ARAP1: variants seen among roughly 807,000 people sequenced by gnomAD.
The protein encoded by ARAP1 is arf-GAP with Rho-GAP domain, ANK repeat and PH domain-containing protein 1.
A neutral mutation model predicts 172.2 loss-of-function variants in ARAP1; 76 were observed. The ratio of observed to expected loss-of-function variants is 0.44; its 90% CI spans 0.37 to 0.53. The LOEUF (loss-of-function observed/expected upper bound fraction) is 0.53. Ranked by LOEUF, ARAP1 falls within the 20% of genes least tolerant of loss-of-function variation. The pLI, the probability that ARAP1 is intolerant of heterozygous loss-of-function variation, is 0.00. For missense variants in ARAP1, 1,686 were observed against 1,977.5 expected, an observed-to-expected ratio of 0.85 and a Z score of 2.80; for synonymous variants, 804 against 803.3, an observed-to-expected ratio of 1.00 and a Z score of -0.01.
chr11:72,737,760 G>A (rs1347247001), intron 1 of ARAP1, among the ~76,000 whole-genome samples: 1 of 152,038 alleles, frequency 6.6e-6, no homozygotes, highest in African/African-American at 2.4e-5. Context: ...GAGTAGCTGG[G>A]ACTACAGGGG....
intron 2 of ARAP1, among the ~76,000 whole-genome samples, chr11:72,730,882 G>A (rs1379898567): frequency 6.6e-6 from 1 of 152,200 alleles, no homozygotes; most frequent in African/African-American, 2.4e-5. Flanking sequence ...ACTAAATTAT[G>A]TTGTAGTTGT....
rs542167924 is a variant in ARAP1 at position 72,699,916 on chromosome 11, A to C, written c.2303-364T>G. 6.9e-6 allele frequency: 2 copies of C among 291,568 alleles called. No individual in the cohort carries two copies. The highest frequency in any genetic ancestry group is 8.3e-5 in the East Asian group (1 of 12,052). 18.1% of individuals were successfully genotyped at this position (291,568 alleles called of 1,614,324 possible). A position where few individuals can be genotyped will look rare whatever the true frequency, so the allele number is the denominator to read the frequency against. On this transcript the variant is annotated intron_variant, in intron 16 of 34. Coordinates refer to ENST00000393609, the MANE Select transcript of ARAP1 (RefSeq NM_001040118.3). This position sits in a 1 kb window ranked among gnomAD's most constrained non-coding sequence, Gnocchi z 4.2. Reference sequence around the variant, plus strand: ...CCGTCTCTCCAGCTGCCTCTCTGTCACTCCTGGACACACACATCCCTACCC... The same window carrying C: ...CCGTCTCTCCAGCTGCCTCTCTGTCCCTCCTGGACACACACATCCCTACCC...
intron 1 of ARAP1, among the ~76,000 whole-genome samples, chr11:72,747,473 A>T (rs920585311): frequency 1.3e-5 from 2 of 152,084 alleles, no homozygotes; most frequent in Non-Finnish European, 2.9e-5. Flanking sequence ...CAGGGAGAAA[A>T]GACTTGGACC....
At chr11:72,697,539 C>G in intron 20 of ARAP1, 53 bp from the exon 21 acceptor site, 1 of 1,613,190 alleles carries the variant, frequency 6.2e-7, no homozygotes, top group Non-Finnish European at 8.5e-7. Flanking sequence ...CCACCCTGTC[C>G]CCAGGCCCAT....
At chr11:72,687,219 G>C (rs535072479) in intron 33 of ARAP1, 50 of 612,774 alleles carry the variant, frequency 8.2e-5, no homozygotes, top group Admixed American at 5.6e-4. Context: ...CCCAAGGGCA[G>C]GGTCTGTGTC....
At position 72,693,472 on chromosome 11, in the gene ARAP1, TG is replaced by T; in HGVS notation, c.3809-3del. ...GCTTGGTGTCACCGACACGGCTGGC[TG>T]GGGGGTGGGACTGGAGTGGGCACAG... is the stretch of plus-strand genomic sequence containing the variant. On this transcript the variant is annotated splice_region_variant and splice_polypyrimidine_tract_variant and intron_variant, in intron 28 of 34. Coordinates refer to ENST00000393609, the MANE Select transcript of ARAP1 (RefSeq NM_001040118.3). This position sits in a 1 kb window ranked among gnomAD's most constrained non-coding sequence, Gnocchi z 4.6. 1.2e-6 allele frequency: 2 copies of T among 1,612,142 alleles called. No homozygotes were observed. Among genetic ancestry groups the T allele is most frequent in the Non-Finnish European group, 1.7e-6 (2 of 1,178,786 alleles).
At chr11:72,703,166 G>A (rs1856575760) in intron 14 of ARAP1, 87 bp from the exon 15 acceptor site, 49 of 1,340,374 alleles carry the variant, frequency 3.7e-5, no homozygotes, top group Non-Finnish European at 4.6e-5. Context: ...GAAAGAAAAG[G>A]AAGGAGTCAC....
chr11:72,697,961 G>A lies in ARAP1; in HGVS notation c.2687C>T (p.Pro896Leu), dbSNP rs770364410. 1.4e-5 allele frequency: 23 copies of A among 1,611,884 alleles called. No individual in the cohort carries two copies. Among genetic ancestry groups the A allele is most frequent in the East Asian group, 4.5e-5 (2 of 44,818 alleles). The change falls in exon 19 of 35, where the codon CCG becomes CTG. Residue 896 changes from proline to leucine, a missense_variant. Around this residue, in one of 5 missense-constraint regions of ARAP1, gnomAD observed 274 missense variants for 262.7 expected, o/e 1.04. Transcript: ENST00000393609. ...LSGSELRAVF[P>L]EGPCEEPLQL... is the part of the protein sequence containing the mutation. Reference sequence around the variant, plus strand: ...CAGCGGCTCTTCGCAGGGCCCCTCCGGGAAGACAGCACGGAGCTCCGAGCC... The same window carrying A: ...CAGCGGCTCTTCGCAGGGCCCCTCCAGGAAGACAGCACGGAGCTCCGAGCC...
Position 72,695,001 on chromosome 11 carries a change from C to T in ARAP1, c.3673G>A (p.Val1225Ile), listed in dbSNP as rs143644813. 1.7e-3 allele frequency: 2,772 copies of T among 1,614,118 alleles called. 2 individuals are homozygous for T. The highest frequency in any genetic ancestry group is 2.1e-3 in the Non-Finnish European group (2,494 of 1,179,998). ...REKDYWTCFE[V>I]NEREEAERPL... is the part of the protein sequence containing the mutation. ...CCACCTGCCTCCTCCCTCTCGTTGA[C>T]CTCAAAGCAGGTCCAATAGTCCTTC... Residue 1225 changes from valine (V) to isoleucine (I), a missense_variant, in exon 27 of 35, where the codon GTC becomes ATC. Val to Ile is a conservative substitution (Grantham distance 29, BLOSUM62 3). Transcript: ENST00000393609. This position sits in a 1 kb window ranked among gnomAD's most constrained non-coding sequence, Gnocchi z 4.4.
At chr11:72,707,028 A>G in intron 12 of ARAP1, 147 bp downstream of exon 12, 1 of 848,330 alleles carries the variant, frequency 1.2e-6, no homozygotes, top group Non-Finnish European at 1.7e-6. Context: ...CTCAAAGCTA[A>G]TCACAGGTGT....
intron 15 of ARAP1, 84 bp downstream of exon 15, chr11:72,702,821 G>C: frequency 6.7e-7 from 1 of 1,484,168 alleles, no homozygotes; most frequent in Non-Finnish European, 9.0e-7. Context: ...GAGGAGCTGC[G>C]ATCACGGCCT....
At chr11:72,709,669 A>C (rs1030086114) in intron 11 of ARAP1, among the ~76,000 whole-genome samples, 13 of 152,116 alleles carry the variant, frequency 8.5e-5, no homozygotes, top group African/African-American at 3.1e-4. Context: ...GCCAAGCAGC[A>C]CAGGGGAGAG....
intron 1 of ARAP1, among the ~76,000 whole-genome samples, chr11:72,746,635 G>T (rs1858373517): frequency 6.6e-6 from 1 of 152,164 alleles, no homozygotes; most frequent in Admixed American, 6.5e-5. Flanking sequence ...GTGAAGAGAA[G>T]GGAGTGGAGA....
Position 72,710,831 on chromosome 11 carries a change from G to C in ARAP1, c.1213+190C>G, listed in dbSNP as rs1417058885. Among the ~76,000 whole-genome samples, 2 of 152,210 alleles carry C rather than the reference G, an allele frequency of 1.3e-5. No homozygotes were observed. Among genetic ancestry groups the C allele is most frequent in the African/African-American group, 4.8e-5 (2 of 41,446 alleles). ...GATTGTGTGGTTCTGAGGAGTCAGT[G>C]ACCGTGCCAAGCACAGAGCCGGTCA... On this transcript the variant is annotated intron_variant, in intron 9 of 34. Coordinates refer to ENST00000393609, the MANE Select transcript of ARAP1 (RefSeq NM_001040118.3). This position sits in a 1 kb window ranked among gnomAD's most constrained non-coding sequence, Gnocchi z 4.3.
intron 1 of ARAP1, among the ~76,000 whole-genome samples, chr11:72,738,296 T>G (rs949250076): frequency 2.0e-5 from 3 of 152,160 alleles, no homozygotes; most frequent in African/African-American, 4.8e-5. Flanking sequence ...CTGCTGACCG[T>G]GTGGGTGTGG....
rs907727501 is a variant in ARAP1 at position 72,697,024 on chromosome 11, A to G, written c.3125T>C (p.Leu1042Pro). The G allele has an allele frequency of 6.2e-7, 1 of 1,609,478 alleles. No homozygotes were observed. The highest frequency in any genetic ancestry group is 8.5e-7 in the Non-Finnish European group (1 of 1,179,928). ...KRFLRDLPDG[L>P]FTRAQRLTWL... ...GGTTAGGCGCTGGGCGCGAGTGAAG[A>G]GCCCATCAGGCAGGTCGCGCAGGAA... The change falls in exon 22 of 35, where the codon CTC becomes CCC. Residue 1042 changes from leucine to proline, a missense_variant. Around this residue, in one of 5 missense-constraint regions of ARAP1, gnomAD observed 274 missense variants for 262.7 expected, o/e 1.04. Coordinates refer to ENST00000393609, the MANE Select transcript of ARAP1 (RefSeq NM_001040118.3).
At chr11:72,734,872 C>T (rs1196836168) in intron 1 of ARAP1, among the ~76,000 whole-genome samples, 2 of 151,366 alleles carry the variant, frequency 1.3e-5, no homozygotes, top group Admixed American at 6.6e-5. Flanking sequence ...CAAAATATCT[C>T]AATAATTTTC....
chr11:72,697,666 C>A lies in ARAP1; in HGVS notation c.2738-17G>T, dbSNP rs1207960576. 1.9e-6 allele frequency: 3 copies of A among 1,613,788 alleles called. No individual in the cohort carries two copies. The highest frequency in any genetic ancestry group is 2.7e-5 in the African/African-American group (2 of 74,920). ...CCTGGATGGCTGTGGAGGGGTTAGT[C>A]AAGGTGAGGCCCAGGTCTTGCTCCT... On this transcript the variant is annotated splice_polypyrimidine_tract_variant and intron_variant, in intron 19 of 34. Coordinates refer to ENST00000393609, the MANE Select transcript of ARAP1 (RefSeq NM_001040118.3).
chr11:72,690,617 C>T (rs1855896673), intron 30 of ARAP1, among the ~76,000 whole-genome samples: 1 of 152,300 alleles, frequency 6.6e-6, no homozygotes, highest in East Asian at 1.9e-4. Context: ...TGGACTCAAG[C>T]CATCCTCCCA....
Sources: allele counts gnomAD v4.1 joint callset (sites outside exome capture counted in the v4.1 genomes callset), GRCh38; gene constraint gnomAD v4.1.1; regional missense constraint gnomAD v4.1.1; non-coding constraint Gnocchi (gnomAD v3.1); transcripts MANE v1.5; gene names NCBI Gene and HGNC (gene_info 2026-07-23, HGNC 2026-07-21).